RNF150: variants seen among roughly 807,000 people sequenced by gnomAD.
RNF150 encodes ring finger protein 150.
In RNF150, 24 loss-of-function variants were observed where a neutral mutation model predicts 39.3. The observed-to-expected ratio is 0.61, with a 90% confidence interval of 0.44 to 0.86. The LOEUF (loss-of-function observed/expected upper bound fraction) is 0.86. Among genes scored for constraint, RNF150 ranks in the 40% least tolerant of loss-of-function variants. RNF150 has a pLI of 0.00. For synonymous variants in RNF150, 255 were observed against 227.3 expected (o/e 1.12, Z -1.10); for missense variants, 502 against 587.8 (o/e 0.85, Z 1.51).
chr4:141,030,150 C>T (rs1012280623), intron 1 of RNF150, among the ~76,000 whole-genome samples: 40 of 151,540 alleles, frequency 2.6e-4, no homozygotes, highest in Non-Finnish European at 1.3e-4. Context: ...GCCAAGATCA[C>T]GCCACTGCAC....
chr4:141,063,275 TA>T (rs1737311692), intron 1 of RNF150, among the ~76,000 whole-genome samples: 1 of 152,234 alleles, frequency 6.6e-6, no homozygotes, highest in South Asian at 2.1e-4. Context: ...AAGCAGATGT[TA>T]TCTCAATGAT....
At chr4:141,172,998 C>T (rs1488220078) in intron 1 of RNF150, among the ~76,000 whole-genome samples, 1 of 151,726 alleles carries the variant, frequency 6.6e-6, no homozygotes, top group East Asian at 1.9e-4. Flanking sequence ...TGCACTTCAG[C>T]CTGGGCAACA....
Position 141,132,283 on chromosome 4 carries a change from T to TCC in RNF150, c.484+40_484+41dup. On this transcript the variant is annotated intron_variant, in intron 1 of 6. Transcript: ENST00000515673. The surrounding 1 kb of genome is among the most constrained non-coding windows in gnomAD (Gnocchi z 4.9). ...CGCTGGATCCCTCTAGGCACCTCCG[T>TCC]CCCCGCCGGCTCCCCTCCCCCGCGC... 1 of 1,549,716 alleles carries TCC rather than the reference T, an allele frequency of 6.5e-7. No homozygotes were observed. Among genetic ancestry groups the TCC allele is most frequent in the Non-Finnish European group, 8.7e-7 (1 of 1,145,852 alleles).
At chr4:141,121,663 T>A (rs1322669017) in intron 1 of RNF150, among the ~76,000 whole-genome samples, 1 of 152,240 alleles carries the variant, frequency 6.6e-6, no homozygotes, top group Non-Finnish European at 1.5e-5. Context: ...GCCTTCTTGC[T>A]GGTCACCAAA....
At chr4:141,128,142 A>AG (rs1475156901) in intron 1 of RNF150, among the ~76,000 whole-genome samples, 2 of 152,210 alleles carry the variant, frequency 1.3e-5, no homozygotes, top group Non-Finnish European at 2.9e-5. Flanking sequence ...AGTGAGCCTC[A>AG]GAGGTATGAT....
chr4:141,200,144 A>G (rs1728267885), intron 1 of RNF150, among the ~76,000 whole-genome samples: 2 of 152,206 alleles, frequency 1.3e-5, no homozygotes, highest in Admixed American at 6.5e-5. Context: ...TTTATTTCTC[A>G]CAGTTCTGGA....
chr4:141,048,225 G>A (rs1253534064), intron 1 of RNF150, among the ~76,000 whole-genome samples: 2 of 152,238 alleles, frequency 1.3e-5, no homozygotes, highest in Non-Finnish European at 2.9e-5. Context: ...TCTCTTGGCT[G>A]AGCATAAGTG....
chr4:141,180,509 G>T (rs1165837630), intron 1 of RNF150, among the ~76,000 whole-genome samples: 1 of 152,026 alleles, frequency 6.6e-6, no homozygotes, highest in Non-Finnish European at 1.5e-5. Context: ...TTTTTGAATA[G>T]GTACAAAATG....
At chr4:140,984,812 C>T (rs1295392016) in intron 1 of RNF150, among the ~76,000 whole-genome samples, 1 of 152,076 alleles carries the variant, frequency 6.6e-6, no homozygotes, top group Non-Finnish European at 1.5e-5. Context: ...ACCTCAGTTT[C>T]CTCCCTCACT....
intron 1 of RNF150, among the ~76,000 whole-genome samples, chr4:141,178,881 C>CTAGAACACATACTAGTGTTCTAGGAACA (rs1727860199): frequency 2.6e-5 from 4 of 151,942 alleles, no homozygotes; most frequent in African/African-American, 9.7e-5. Context: ...AATATGTGTT[C>CTAGAACACATACTAGTGTTCTAGGAACA]CTACCACCTA....
intron 1 of RNF150, among the ~76,000 whole-genome samples, chr4:141,001,892 T>C (rs1176227955): frequency 5.9e-5 from 9 of 152,154 alleles, no homozygotes; most frequent in Non-Finnish European, 1.2e-4. Flanking sequence ...TATACGCTTA[T>C]TAGTAACAAT....
Position 141,059,513 on chromosome 4 carries a change from A to G in RNF150, c.484+72812T>C, listed in dbSNP as rs148346143. Among the ~76,000 whole-genome samples the G allele has an allele frequency of 5.8e-4, 89 of 152,212 alleles. 1 individual carries two copies. Among genetic ancestry groups the G allele is most frequent in the Non-Finnish European group, 1.1e-3 (76 of 68,010 alleles). Reference sequence around the variant, plus strand: ...GTTTGATGGTTTTGCTCCAGGGTCCAATTTTCCTGCATTTTTTTTTAGAAT... The same window carrying G: ...GTTTGATGGTTTTGCTCCAGGGTCCGATTTTCCTGCATTTTTTTTTAGAAT... On this transcript the variant is annotated intron_variant, in intron 1 of 6. Transcript: ENST00000515673.
chr4:141,034,807 T>C (rs1292000725), intron 1 of RNF150, among the ~76,000 whole-genome samples: 1 of 152,086 alleles, frequency 6.6e-6, no homozygotes, highest in Admixed American at 6.6e-5. Context: ...ATCTTATATA[T>C]AGGGCATGGT....
chr4:141,142,368 T>C (rs529849883), intron 1 of RNF150, among the ~76,000 whole-genome samples: 2 of 152,322 alleles, frequency 1.3e-5, no homozygotes, highest in African/African-American at 4.8e-5. Context: ...GTCCTTACCA[T>C]GATCTCCTCC....
intron 1 of RNF150, among the ~76,000 whole-genome samples, chr4:141,047,158 C>T (rs751849299): frequency 6.6e-6 from 1 of 152,082 alleles, no homozygotes; most frequent in Non-Finnish European, 1.5e-5. Flanking sequence ...GTGTGTTTCC[C>T]TGCTTTAATA....
At chr4:140,950,183 T>G (rs1331845735) in intron 2 of RNF150, among the ~76,000 whole-genome samples, 3 of 152,208 alleles carry the variant, frequency 2.0e-5, no homozygotes, top group Non-Finnish European at 2.9e-5. Context: ...TATCTTCTTC[T>G]TAGGTATATC....
chr4:140,922,993 G>A (rs1010189873), intron 5 of RNF150, among the ~76,000 whole-genome samples: 4 of 150,852 alleles, frequency 2.7e-5, no homozygotes, highest in African/African-American at 9.9e-5. Context: ...AGACTTAAAC[G>A]TTAGACCTAA....
At chr4:141,036,683 G>T (rs1736160930) in intron 1 of RNF150, among the ~76,000 whole-genome samples, 1 of 152,080 alleles carries the variant, frequency 6.6e-6, no homozygotes, top group African/African-American at 2.4e-5. Flanking sequence ...TAGTAGATTG[G>T]TACGGTGAAT....
chr4:140,869,109 G>C (rs1484884340), intron 6 of RNF150, among the ~76,000 whole-genome samples: 1 of 152,144 alleles, frequency 6.6e-6, no homozygotes, highest in African/African-American at 2.4e-5. Flanking sequence ...ATTCAATTAA[G>C]CATGATTTAC....
Sources: allele counts gnomAD v4.1 joint callset (sites outside exome capture counted in the v4.1 genomes callset), GRCh38; gene constraint gnomAD v4.1.1; non-coding constraint Gnocchi (gnomAD v3.1); transcripts MANE v1.5; gene names NCBI Gene and HGNC (gene_info 2026-07-23, HGNC 2026-07-21).